Variants in SBNO2 observed in about 807,000 individuals in gnomAD.
SBNO2 encodes protein strawberry notch homolog 2.
A neutral mutation model predicts 146.3 loss-of-function variants in SBNO2; 89 were observed. The ratio of observed to expected loss-of-function variants is 0.61; its 90% CI spans 0.51 to 0.73. The LOEUF (loss-of-function observed/expected upper bound fraction) is 0.73. SBNO2 is among the 30% of genes least tolerant of loss of function. The pLI is 0.00. For synonymous variants in SBNO2, 1,147 were observed against 892.6 expected, an observed-to-expected ratio of 1.29 and a Z score of -5.08; for missense variants, 2,092 against 2,003.7, an observed-to-expected ratio of 1.04 and a Z score of -0.84.
Position 1,108,421 on chromosome 19 carries a change from A to C in SBNO2, c.3900T>G (p.Pro1300=). ...CGCAGCCCTGGTGCGCGAGGGCCGC[A>C]GGGTCGGCCTGGGCGTCGGGGGTGC... is the stretch of plus-strand genomic sequence containing the variant. ...PLGTPDAQAD[P]AALAHQGCDI... is the part of the protein sequence containing the mutation. Residue 1300 remains proline, a synonymous_variant, in exon 32 of 32, where the codon CCT becomes CCG. Coordinates refer to ENST00000361757, the MANE Select transcript of SBNO2 (RefSeq NM_014963.3). 1 of 1,264,464 alleles carries C rather than the reference A, an allele frequency of 7.9e-7. No individual in the cohort carries two copies. Among genetic ancestry groups the C allele is most frequent in the East Asian group, 4.0e-5 (1 of 25,164 alleles). The allele number at this position is 1,264,464 out of a possible 1,614,324, so 78.3% of individuals were successfully genotyped here. A position where few individuals can be genotyped will look rare whatever the true frequency, so the allele number is the denominator to read the frequency against.
At chr19:1,138,389 T>C (rs1355700611) in intron 4 of SBNO2, among the ~76,000 whole-genome samples, 1 of 151,752 alleles carries the variant, frequency 6.6e-6, no homozygotes, top group African/African-American at 2.4e-5. Context: ...AAGGGCCCCT[T>C]ATCCTCGAGC....
At chr19:1,160,037 C>T (rs1025969664) in intron 1 of SBNO2, among the ~76,000 whole-genome samples, 2 of 152,118 alleles carry the variant, frequency 1.3e-5, no homozygotes, top group African/African-American at 2.4e-5. Flanking sequence ...CCGCCTGCCC[C>T]GCCACGCGGC....
intron 1 of SBNO2, among the ~76,000 whole-genome samples, chr19:1,165,244 C>T (rs1479667409): frequency 6.6e-6 from 1 of 152,158 alleles, no homozygotes. Context: ...ACAGCCCCAC[C>T]AGGCATGGTC....
chr19:1,135,464 C>G (rs2080076743), intron 4 of SBNO2, among the ~76,000 whole-genome samples: 1 of 152,256 alleles, frequency 6.6e-6, no homozygotes, highest in African/African-American at 2.4e-5. Context: ...CCGACTTGCT[C>G]CCCAGGCCCC....
In SBNO2 at chr19:1,122,229, G is replaced by A. The variant is rs532718846; in HGVS notation, c.1059C>T (p.Ser353=). 120 of 1,577,024 alleles carry A rather than the reference G, an allele frequency of 7.6e-5. No homozygotes were observed. In the South Asian group the frequency reaches 1.0e-3, roughly 14 times the overall value. The part of the protein sequence containing the change: ...TSEGVLFATY[S]ALIGESQAGG... ...CGGCCTGGCTCTCCCCAATCAGGGC[G>A]GAGTAGGTGGCGAAGAGGACGCCCT... The change falls in exon 11 of 32, where the codon TCC becomes TCT. Residue 353 remains serine (S), a synonymous_variant. Coordinates refer to ENST00000361757, the MANE Select transcript of SBNO2 (RefSeq NM_014963.3).
Position 1,144,775 on chromosome 19 carries a change from GAC to G in SBNO2, c.279+2532_279+2533del, listed in dbSNP as rs2080171649. On this transcript the variant is annotated intron_variant, in intron 4 of 31. Transcript: ENST00000361757. The surrounding 1 kb of genome is among the most constrained non-coding windows in gnomAD (Gnocchi z 4.1). ...AGGGAGACAGAGAGACAGAGGCAGA[GAC>G]AAAGAGACAGAGACAGAGAGGGAGA... 6.6e-6 allele frequency among the ~76,000 whole-genome samples: 1 copy of G among 151,108 alleles called. No individual in the cohort carries two copies. The highest frequency in any genetic ancestry group is 6.6e-5 in the Admixed American group (1 of 15,198).
At chr19:1,114,184 TG>T (rs1448244646) in intron 18 of SBNO2, 46 bp downstream of exon 18, 2 of 1,400,990 alleles carry the variant, frequency 1.4e-6, no homozygotes, top group Non-Finnish European at 1.9e-6. Flanking sequence ...CAGCCTGGAC[TG>T]GAATCCTGAC....
intron 4 of SBNO2, among the ~76,000 whole-genome samples, chr19:1,133,143 A>T (rs919624647): frequency 6.6e-6 from 1 of 151,916 alleles, no homozygotes; most frequent in African/African-American, 2.4e-5. Flanking sequence ...AGGGGGTGGG[A>T]GGACGGCCGG....
At chr19:1,153,338 A>C (rs2145313254) in intron 2 of SBNO2, among the ~76,000 whole-genome samples, 1 of 151,040 alleles carries the variant, frequency 6.6e-6, no homozygotes, top group Middle Eastern at 3.4e-3. Context: ...CCCAGGTTCA[A>C]GCGATTCTCC....
chr19:1,159,769 CGGGGGGCAGT>C (rs1458787783), intron 1 of SBNO2, among the ~76,000 whole-genome samples: 2 of 72,226 alleles, frequency 2.8e-5, no homozygotes, highest in Non-Finnish European at 5.3e-5. Context: ...ATGGGGACAG[CGGGGGGCAGT>C]GGGGGACAGT....
In SBNO2 at chr19:1,110,672, C is replaced by T. The variant is rs1487466921; in HGVS notation, c.3028+73G>A. On this transcript the variant is annotated intron_variant, in intron 26 of 31. Transcript: ENST00000361757. The surrounding 1 kb of genome is among the most constrained non-coding windows in gnomAD (Gnocchi z 4.9). ...GGTGTTCCCACGAGCCCCGAGCCCACCCAGGATGCATGGCGTTCCCACGAG... is the reference window on the plus strand; with the variant it reads ...GGTGTTCCCACGAGCCCCGAGCCCATCCAGGATGCATGGCGTTCCCACGAG... The T allele has an allele frequency of 6.4e-7, 1 of 1,553,262 alleles. No individual in the cohort carries two copies. The highest frequency in any genetic ancestry group is 8.7e-7 in the Non-Finnish European group (1 of 1,143,504).
chr19:1,115,089 C>A (rs1258955984), intron 17 of SBNO2, among the ~76,000 whole-genome samples: 1 of 151,962 alleles, frequency 6.6e-6, no homozygotes, highest in African/African-American at 2.4e-5. Flanking sequence ...ACCACCACAC[C>A]TGGCTAATTT....
chr19:1,149,512 G>A lies in SBNO2; in HGVS notation c.94-70C>T, dbSNP rs1034476964. 3.2e-5 allele frequency: 46 copies of A among 1,432,504 alleles called. 1 individual carries two copies. The highest frequency in any genetic ancestry group is 5.0e-5 in the East Asian group (2 of 40,248). 88.7% of individuals were successfully genotyped at this position (1,432,504 alleles called of 1,614,324 possible). A position where few individuals can be genotyped will look rare whatever the true frequency, so the allele number is the denominator to read the frequency against. On this transcript the variant is annotated intron_variant, in intron 2 of 31. Coordinates refer to ENST00000361757, the MANE Select transcript of SBNO2 (RefSeq NM_014963.3). ...GCGGTGCAGCCCGGCTAAGCCCTCCGGGCAGGGTGACAGGCCGAGAGGCTA... is the reference window on the plus strand; with the variant it reads ...GCGGTGCAGCCCGGCTAAGCCCTCCAGGCAGGGTGACAGGCCGAGAGGCTA...
chr19:1,115,344 G>T (rs970747099), intron 17 of SBNO2: 1 of 151,166 alleles, frequency 6.6e-6, no homozygotes, highest in South Asian at 2.1e-4. Flanking sequence ...AGGTTCAAGC[G>T]ATTCCCCTGC....
intron 4 of SBNO2, chr19:1,132,246 G>A: frequency 4.6e-6 from 6 of 1,308,562 alleles, no homozygotes; most frequent in East Asian, 3.1e-5. Flanking sequence ...GGACGGGGGC[G>A]GCTCTCCGCC....
At chr19:1,162,849 TG>T (rs1266753538) in intron 1 of SBNO2, among the ~76,000 whole-genome samples, 5 of 151,952 alleles carry the variant, frequency 3.3e-5, no homozygotes, top group African/African-American at 1.2e-4. Flanking sequence ...CAGCGTTCAG[TG>T]GGAAGAGAGC....
chr19:1,163,212 G>A (rs1251430557), intron 1 of SBNO2, among the ~76,000 whole-genome samples: 1 of 152,208 alleles, frequency 6.6e-6, no homozygotes, highest in Non-Finnish European at 1.5e-5. Flanking sequence ...TGCTGGAGGG[G>A]GTGGTCTGTG....
intron 4 of SBNO2, 69 bp downstream of exon 4, chr19:1,147,240 G>A: frequency 9.3e-7 from 1 of 1,072,658 alleles, no homozygotes. Flanking sequence ...AGAGGTCGCA[G>A]GGCAGCTGGA....
intron 4 of SBNO2, among the ~76,000 whole-genome samples, chr19:1,138,776 C>T (rs565081622): frequency 1.2e-4 from 18 of 151,256 alleles, no homozygotes; most frequent in Non-Finnish European, 2.4e-4. Flanking sequence ...GCCTCCATCA[C>T]GGACAGACAC....
Sources: allele counts gnomAD v4.1 joint callset (sites outside exome capture counted in the v4.1 genomes callset), GRCh38; gene constraint gnomAD v4.1.1; non-coding constraint Gnocchi (gnomAD v3.1); transcripts MANE v1.5; gene names NCBI Gene and HGNC (gene_info 2026-07-23, HGNC 2026-07-21).